Variants in CDC42SE2 observed in about 807,000 individuals in gnomAD.
The protein encoded by CDC42SE2 is CDC42 small effector 2.
A neutral mutation model predicts 11.5 loss-of-function variants in CDC42SE2; 3 were observed. That is an observed-to-expected ratio of 0.26 (90% confidence interval 0.12 to 0.67). The LOEUF (loss-of-function observed/expected upper bound fraction) is 0.67. Among genes scored for constraint, CDC42SE2 ranks in the 30% least tolerant of loss-of-function variants. The probability of loss-of-function intolerance (pLI) is 0.80; values close to 1 mark genes in which losing one functional copy is unlikely to be tolerated. For synonymous variants in CDC42SE2, 33 were observed against 34.8 expected (o/e 0.95, Z 0.18); for missense variants, 82 against 106.8 (o/e 0.77, Z 1.02).
chr5:131,377,985 C>T (rs1469400657), intron 3 of CDC42SE2, among the ~76,000 whole-genome samples: 2 of 152,206 alleles, frequency 1.3e-5, no homozygotes, highest in African/African-American at 4.8e-5. Flanking sequence ...TTATTGTCTA[C>T]TGTGTGTCAG....
chr5:131,300,556 G>A (rs1330169139), intron 1 of CDC42SE2, among the ~76,000 whole-genome samples: 5 of 152,004 alleles, frequency 3.3e-5, no homozygotes, highest in African/African-American at 7.3e-5. Context: ...AGGCCGAGGC[G>A]GGCGGATCAT....
chr5:131,312,388 T>G (rs960792289), intron 1 of CDC42SE2, among the ~76,000 whole-genome samples: 2 of 152,188 alleles, frequency 1.3e-5, no homozygotes, highest in Admixed American at 1.3e-4. Context: ...AGGTTACTGC[T>G]TTTTGTTTGT....
the CDC42SE2 span, among the ~76,000 whole-genome samples, chr5:131,230,650 G>A: frequency 6.6e-6 from 1 of 152,196 alleles, no homozygotes; most frequent in African/African-American, 2.4e-5. Flanking sequence ...GGGAAATGTA[G>A]TTGTCAGCCT....
intron 1 of CDC42SE2, among the ~76,000 whole-genome samples, chr5:131,275,561 T>C (rs1344104598): frequency 1.3e-5 from 2 of 152,190 alleles, no homozygotes; most frequent in African/African-American, 4.8e-5. Flanking sequence ...TCCAAAGTGC[T>C]GGGATTACAG....
intron 1 of CDC42SE2, among the ~76,000 whole-genome samples, chr5:131,250,879 A>G (rs1756633491): frequency 1.3e-5 from 2 of 152,136 alleles, no homozygotes; most frequent in Non-Finnish European, 2.9e-5. Flanking sequence ...AGGGTCTCTT[A>G]AAAAATACTA....
chr5:131,294,417 T>C (rs989826513), intron 1 of CDC42SE2, among the ~76,000 whole-genome samples: 1 of 152,212 alleles, frequency 6.6e-6, no homozygotes, highest in African/African-American at 2.4e-5. Context: ...CATTCAATTA[T>C]TGAATAAATA....
chr5:131,370,402 C>T (rs754312011), intron 3 of CDC42SE2, among the ~76,000 whole-genome samples: 24 of 151,704 alleles, frequency 1.6e-4, no homozygotes, highest in Non-Finnish European at 3.1e-4. Context: ...TAATAGGCAA[C>T]GTTAAGTGGA....
Position 131,392,256 on chromosome 5 carries a change from A to G in CDC42SE2, c.*1165A>G, listed in dbSNP as rs1750682219. On this transcript the variant is annotated 3_prime_UTR_variant, in exon 5 of 5. Coordinates refer to ENST00000505065, the MANE Select transcript of CDC42SE2 (RefSeq NM_001375635.1). ...TTTGTTAATTTGCCATCATTTATGT[A>G]TATTTTGGAAGGTATGAGACCCACA... The G allele has an allele frequency of 6.6e-6, 1 of 152,550 alleles. No individual in the cohort carries two copies. Among genetic ancestry groups the G allele is most frequent in the South Asian group, 2.1e-4 (1 of 4,832 alleles). The allele number at this position is 152,550 out of a possible 1,614,324, so 9.4% of individuals were successfully genotyped here.
chr5:131,338,156 C>G (rs1351525696), intron 2 of CDC42SE2, among the ~76,000 whole-genome samples: 1 of 152,210 alleles, frequency 6.6e-6, no homozygotes, highest in Non-Finnish European at 1.5e-5. Flanking sequence ...TATATATGAA[C>G]AAGTAATCAC....
chr5:131,254,905 A>G (rs1203268111), intron 1 of CDC42SE2, among the ~76,000 whole-genome samples: 1 of 152,204 alleles, frequency 6.6e-6, no homozygotes, highest in Admixed American at 6.5e-5. Context: ...ATGTTTTGGA[A>G]ATGAAATTAG....
chr5:131,297,331 C>T (rs370188992), intron 1 of CDC42SE2, among the ~76,000 whole-genome samples: 1 of 151,892 alleles, frequency 6.6e-6, no homozygotes, highest in African/African-American at 2.4e-5. Context: ...TTACATAAGG[C>T]GTTAAGAAAC....
At chr5:131,223,700 C>T in the CDC42SE2 span, among the ~76,000 whole-genome samples, 929 of 152,294 alleles carry the variant, frequency 6.1e-3, 9 homozygotes, top group African/African-American at 0.021. Flanking sequence ...TTATTTGTAG[C>T]ATCTTTAATA....
At chr5:131,314,677 C>T (rs2149728126) in intron 1 of CDC42SE2, among the ~76,000 whole-genome samples, 1 of 152,214 alleles carries the variant, frequency 6.6e-6, no homozygotes, top group Admixed American at 6.5e-5. Flanking sequence ...TTCCTAATTT[C>T]GTTATCAGAG....
chr5:131,354,630 A>G (rs1749475709), intron 2 of CDC42SE2: 1 of 151,370 alleles, frequency 6.6e-6, no homozygotes, highest in East Asian at 1.9e-4. Flanking sequence ...ACCTTTTTTC[A>G]TTTTCTTCAT....
At chr5:131,253,297 G>A (rs931634663) in intron 1 of CDC42SE2, among the ~76,000 whole-genome samples, 1 of 152,324 alleles carries the variant, frequency 6.6e-6, no homozygotes, top group Non-Finnish European at 1.5e-5. Flanking sequence ...ATACATAACA[G>A]TGCTAAATTG....
intron 1 of CDC42SE2, among the ~76,000 whole-genome samples, chr5:131,292,701 T>C (rs1179107458): frequency 6.6e-6 from 1 of 150,908 alleles, no homozygotes; most frequent in Non-Finnish European, 1.5e-5. Context: ...TCAAGACCAG[T>C]CTGAGAAATA....
intron 1 of CDC42SE2, among the ~76,000 whole-genome samples, chr5:131,264,497 C>CT (rs1166512227): frequency 4.5e-4 from 68 of 151,936 alleles, no homozygotes; most frequent in African/African-American, 1.6e-3. Context: ...GCAGACCCCC[C>CT]CCCTCCCCCC....
intron 2 of CDC42SE2, among the ~76,000 whole-genome samples, chr5:131,358,341 G>A (rs1401594075): frequency 6.6e-6 from 1 of 152,116 alleles, no homozygotes; most frequent in East Asian, 1.9e-4. Flanking sequence ...ACTGATCTTA[G>A]GGATGCCTAG....
the CDC42SE2 span, among the ~76,000 whole-genome samples, chr5:131,231,601 A>G: frequency 2.6e-5 from 4 of 152,102 alleles, no homozygotes; most frequent in African/African-American, 7.2e-5. Context: ...AAAGAGGCCT[A>G]TCTGAAATTA....
Sources: gnomAD v4.1 joint callset for allele counts (sites outside exome capture counted in the v4.1 genomes callset) on GRCh38, gnomAD v4.1.1 for gene constraint, MANE v1.5 for transcripts, NCBI Gene and HGNC (gene_info 2026-07-23, HGNC 2026-07-21) for gene names.